Variants in NFIA observed in about 807,000 individuals in gnomAD.
The protein encoded by NFIA is nuclear factor 1 A-type.
A neutral mutation model predicts 62.8 loss-of-function variants in NFIA; 8 were observed. The ratio of observed to expected loss-of-function variants is 0.13; its 90% CI spans 0.07 to 0.23. The LOEUF (loss-of-function observed/expected upper bound fraction) is 0.23, where lower values mean the gene tolerates loss of function less well. NFIA is among the 10% of genes least tolerant of loss of function. The pLI, the probability that NFIA is intolerant of heterozygous loss-of-function variation, is 1.00. For missense variants in NFIA, 410 were observed against 642.1 expected (o/e 0.64, Z 3.91); for synonymous variants, 235 against 238.1 (o/e 0.99, Z 0.12).
intron 2 of NFIA, among the ~76,000 whole-genome samples, chr1:61,239,560 TC>T (rs1655212479): frequency 6.6e-6 from 1 of 152,164 alleles, no homozygotes; most frequent in Non-Finnish European, 1.5e-5. Flanking sequence ...TGGGGTAACT[TC>T]TAGCATGTTC....
chr1:61,106,059 C>A (rs1570162675), intron 2 of NFIA, among the ~76,000 whole-genome samples: 1 of 151,296 alleles, frequency 6.6e-6, no homozygotes, highest in East Asian at 1.9e-4. Context: ...CATTTATCAC[C>A]CTTCTGCCAA....
At chr1:61,341,464 A>G (rs1428197330) in intron 4 of NFIA, among the ~76,000 whole-genome samples, 5 of 152,028 alleles carry the variant, frequency 3.3e-5, no homozygotes, top group Admixed American at 2.0e-4. Context: ...GCTACAGGTC[A>G]TTACTGACAA....
intron 2 of NFIA, among the ~76,000 whole-genome samples, chr1:61,237,399 G>A (rs944101367): frequency 2.7e-4 from 41 of 152,302 alleles, no homozygotes; most frequent in African/African-American, 9.9e-4. Context: ...GCTCATCTTT[G>A]TTGGATGACA....
intron 2 of NFIA, among the ~76,000 whole-genome samples, chr1:61,091,890 T>C (rs143580312): frequency 6.6e-6 from 1 of 151,950 alleles, no homozygotes; most frequent in East Asian, 1.9e-4. Context: ...CTTCTGGTAA[T>C]GTAATCAGAT....
At chr1:61,283,442 C>A (rs892621724) in intron 3 of NFIA, among the ~76,000 whole-genome samples, 2 of 150,926 alleles carry the variant, frequency 1.3e-5, no homozygotes, top group East Asian at 3.9e-4. Flanking sequence ...ATTAACCGGG[C>A]GTGATGGCAG....
At chr1:61,180,704 T>C (rs871250) in intron 2 of NFIA, among the ~76,000 whole-genome samples, 24,185 of 152,148 alleles carry the variant, frequency 0.16, 2,847 homozygotes, top group African/African-American at 0.31. Flanking sequence ...GATGGGGTCA[T>C]GGTAACAAAG....
At chr1:61,249,755 G>T (rs1398487391) in intron 2 of NFIA, among the ~76,000 whole-genome samples, 1 of 152,132 alleles carries the variant, frequency 6.6e-6, no homozygotes, top group Non-Finnish European at 1.5e-5. Flanking sequence ...CAGTGAGCCA[G>T]TGAGCCAAGA....
chr1:61,278,850 T>C, intron 3 of NFIA, among the ~76,000 whole-genome samples: 1 of 152,168 alleles, frequency 6.6e-6, no homozygotes, highest in Non-Finnish European at 1.5e-5. Flanking sequence ...CCTCTCCTAT[T>C]TCTTACCTGT....
intron 3 of NFIA, among the ~76,000 whole-genome samples, chr1:61,292,021 G>C (rs1008030863): frequency 6.6e-6 from 1 of 152,272 alleles, no homozygotes; most frequent in African/African-American, 2.4e-5. Context: ...TGAAAGCGAA[G>C]CCAGTGAGAG....
intron 10 of NFIA, among the ~76,000 whole-genome samples, chr1:61,453,443 CTTTTTTT>C (rs11336299): frequency 1.8e-4 from 14 of 78,884 alleles, no homozygotes; most frequent in South Asian, 6.0e-4. Flanking sequence ...TGTGAAGAAA[CTTTTTTT>C]TTTTTTTTTT....
intron 2 of NFIA, among the ~76,000 whole-genome samples, chr1:61,205,096 G>A (rs1325201848): frequency 6.6e-6 from 1 of 152,080 alleles, no homozygotes; most frequent in Non-Finnish European, 1.5e-5. Context: ...TATCCTATAA[G>A]GTAATACTAT....
intron 10 of NFIA, among the ~76,000 whole-genome samples, chr1:61,426,812 C>G (rs1557429550): frequency 6.6e-6 from 1 of 152,064 alleles, no homozygotes; most frequent in Non-Finnish European, 1.5e-5. Flanking sequence ...CCAGTGTTAG[C>G]TAGTGTGTGT....
chr1:61,200,102 A>G (rs564246653), intron 2 of NFIA, among the ~76,000 whole-genome samples: 9 of 138,112 alleles, frequency 6.5e-5, no homozygotes, highest in South Asian at 2.3e-4. Context: ...GCAATTCCCT[A>G]TTGACCCTTA....
intron 10 of NFIA, among the ~76,000 whole-genome samples, chr1:61,435,681 A>T (rs980624506): frequency 3.3e-5 from 5 of 152,188 alleles, no homozygotes; most frequent in African/African-American, 1.2e-4. Flanking sequence ...GCTGCAAAGG[A>T]TGCTGAGAAA....
chr1:61,425,427 T>A (rs1216744699), intron 9 of NFIA, among the ~76,000 whole-genome samples: 1 of 152,216 alleles, frequency 6.6e-6, no homozygotes, highest in African/African-American at 2.4e-5. Flanking sequence ...TTGTCTAGAG[T>A]TAGCTTAAAA....
intron 2 of NFIA, among the ~76,000 whole-genome samples, chr1:61,218,986 C>G (rs1335008231): frequency 6.6e-6 from 1 of 152,172 alleles, no homozygotes; most frequent in Non-Finnish European, 1.5e-5. Flanking sequence ...AATCCCAACA[C>G]TTTGGGAGGC....
Position 61,288,982 on chromosome 1 carries a change from C to T in NFIA, c.625+11397C>T, listed in dbSNP as rs58329878. On this transcript the variant is annotated intron_variant, in intron 3 of 10. Transcript: ENST00000403491. Reference sequence around the variant, plus strand: ...CGAGGGTCTCACTATGTTGTCCAGGCTGGGTTCAAACTCCTGGGCTCAAGA... The same window carrying T: ...CGAGGGTCTCACTATGTTGTCCAGGTTGGGTTCAAACTCCTGGGCTCAAGA... Among the ~76,000 whole-genome samples the T allele has an allele frequency of 6.8e-4, 103 of 152,252 alleles. 1 individual carries two copies. The highest frequency in any genetic ancestry group is 2.3e-3 in the African/African-American group (96 of 41,552).
chr1:61,082,942 CTG>C (rs1489887711), intron 1 of NFIA, 124 bp downstream of exon 1: 4 of 613,790 alleles, frequency 6.5e-6, no homozygotes, highest in East Asian at 1.5e-4. Flanking sequence ...CGGTGTGTGT[CTG>C]TGTCTGCGCG....
At chr1:61,077,754 A>G, upstream of NFIA, 1 of 568,862 alleles carries the variant, frequency 1.8e-6, no homozygotes, top group Non-Finnish European at 2.8e-6. Context: ...CACTTAAGTG[A>G]TTGCTGGGTA....
Sources: gnomAD v4.1 joint callset for allele counts (sites outside exome capture counted in the v4.1 genomes callset) on GRCh38, gnomAD v4.1.1 for gene constraint, MANE v1.5 for transcripts, NCBI Gene and HGNC (gene_info 2026-07-23, HGNC 2026-07-21) for gene names.